The following RGS9BP variants were observed in gnomAD, a reference collection of about 807,000 sequenced individuals.
RGS9BP encodes regulator of G protein signaling 9 binding protein.
In RGS9BP, 1 loss-of-function variant was observed where a neutral mutation model predicts 3.8. That is an observed-to-expected ratio of 0.26 (90% CI 0.09 to 1.24). The LOEUF (loss-of-function observed/expected upper bound fraction) is 1.24. Among genes scored for constraint, RGS9BP ranks in the 50% most tolerant of loss-of-function variants. RGS9BP has a pLI of 0.48. For synonymous variants in RGS9BP, 200 were observed against 177.8 expected (o/e 1.13, Z -1.00); for missense variants, 363 against 344.3 (o/e 1.05, Z -0.43).
In RGS9BP at chr19:32,676,984, G is replaced by A; in HGVS notation, c.*13G>A. ...GAAGCTGAGCTGACGGACACCCGACGGCCGCCTGCTGCTGCCGCTCCCTCC... is the reference window on the plus strand; with the variant it reads ...GAAGCTGAGCTGACGGACACCCGACAGCCGCCTGCTGCTGCCGCTCCCTCC... On this transcript the variant is annotated 3_prime_UTR_variant, in exon 1 of 1. Coordinates refer to ENST00000334176, the MANE Select transcript of RGS9BP (RefSeq NM_207391.3). The A allele has an allele frequency of 1.3e-6, 2 of 1,590,140 alleles. No homozygotes were observed. The highest frequency in any genetic ancestry group is 1.7e-6 in the Non-Finnish European group (2 of 1,169,658).
chr19:32,677,314 C>T lies in RGS9BP; in HGVS notation c.*343C>T, dbSNP rs1316900674. On this transcript the variant is annotated 3_prime_UTR_variant, in exon 1 of 1. Transcript: ENST00000334176. ...TTTACAGGGAGTCCGAGTTCGGTGC[C>T]CACCCCTGCCAGCGTCGCCCCCTTT... 2 of 281,622 alleles carry T rather than the reference C, an allele frequency of 7.1e-6. No individual in the cohort carries two copies. Among genetic ancestry groups the T allele is most frequent in the Non-Finnish European group, 1.4e-5 (2 of 139,252 alleles). 17.4% of individuals were successfully genotyped at this position (281,622 alleles called of 1,614,324 possible). A position where few individuals can be genotyped will look rare whatever the true frequency, so the allele number is the denominator to read the frequency against.
Position 32,676,147 on chromosome 19 carries a change from C to G in RGS9BP, c.-117C>G, listed in dbSNP as rs879850903. The G allele has an allele frequency of 1.5e-6, 1 of 666,416 alleles. No homozygotes were observed. The highest frequency in any genetic ancestry group is 2.4e-6 in the Non-Finnish European group (1 of 410,280). The allele number at this position is 666,416 out of a possible 1,614,324, so 41.3% of individuals were successfully genotyped here. The stretch of plus-strand genomic sequence containing the variant: ...CGGTAGCGCCGAGCGAGTCACGGAC[C>G]ATGAAGAGCGTTCGTGCCGCGCGGC... On this transcript the variant is annotated 5_prime_UTR_variant, in exon 1 of 1. Coordinates refer to ENST00000334176, the MANE Select transcript of RGS9BP (RefSeq NM_207391.3).
In RGS9BP at chr19:32,676,612, G is replaced by A. The variant is rs1307759105; in HGVS notation, c.349G>A (p.Val117Met). The part of the protein sequence containing the change: ...APRRPLVRTG[V>M]AGASSGVAAR... ...GCGGCGGCCGCTGGTGCGCACAGGTGTGGCTGGCGCCTCCTCCGGCGTGGC... is the reference window on the plus strand; with the variant it reads ...GCGGCGGCCGCTGGTGCGCACAGGTATGGCTGGCGCCTCCTCCGGCGTGGC... Residue 117 changes from valine (V) to methionine (M), a missense_variant, in exon 1 of 1, where the codon GTG (valine) becomes ATG (methionine). Coordinates refer to ENST00000334176, the MANE Select transcript of RGS9BP (RefSeq NM_207391.3). 15 of 1,526,546 alleles carry A rather than the reference G, an allele frequency of 9.8e-6. No individual in the cohort carries two copies. The Admixed American group carries it at 1.4e-4, about 14-fold the overall frequency. The allele number at this position is 1,526,546 out of a possible 1,614,324, so 94.6% of individuals were successfully genotyped here.
chr19:32,677,071 C>G lies in RGS9BP; in HGVS notation c.*100C>G. On this transcript the variant is annotated 3_prime_UTR_variant, in exon 1 of 1. Coordinates refer to ENST00000334176, the MANE Select transcript of RGS9BP (RefSeq NM_207391.3). ...CTGTGCAAGGGGAGTGGTCCTAAAA[C>G]CCCGTGTGTGCATGGGTACACGCGC... 3 of 1,038,738 alleles carry G rather than the reference C, an allele frequency of 2.9e-6. No homozygotes were observed. Among genetic ancestry groups the G allele is most frequent in the Non-Finnish European group, 4.4e-6 (3 of 681,392 alleles). The allele number at this position is 1,038,738 out of a possible 1,614,324, so 64.3% of individuals were successfully genotyped here.
rs560291929 is a variant in RGS9BP at position 32,677,018 on chromosome 19, A to G, written c.*47A>G. 8.3e-5 allele frequency: 126 copies of G among 1,511,050 alleles called. No individual in the cohort carries two copies. Among genetic ancestry groups the G allele is most frequent in the East Asian group, 1.8e-4 (8 of 43,290 alleles). The allele number at this position is 1,511,050 out of a possible 1,614,324, so 93.6% of individuals were successfully genotyped here. ...CTGCTGCCGCTCCCTCCCCTGAGAAAAGACTCGGGATGGGTGTGGGGTCTG... is the reference window on the plus strand; with the variant it reads ...CTGCTGCCGCTCCCTCCCCTGAGAAGAGACTCGGGATGGGTGTGGGGTCTG... On this transcript the variant is annotated 3_prime_UTR_variant, in exon 1 of 1. Coordinates refer to ENST00000334176, the MANE Select transcript of RGS9BP (RefSeq NM_207391.3).
Position 32,676,980 on chromosome 19 carries a change from C to A in RGS9BP, c.*9C>A. ...TGGCGAAGCTGAGCTGACGGACACC[C>A]GACGGCCGCCTGCTGCTGCCGCTCC... On this transcript the variant is annotated 3_prime_UTR_variant, in exon 1 of 1. Coordinates refer to ENST00000334176, the MANE Select transcript of RGS9BP (RefSeq NM_207391.3). The A allele has an allele frequency of 6.3e-7, 1 of 1,591,832 alleles. No homozygotes were observed. The highest frequency in any genetic ancestry group is 1.1e-5 in the South Asian group (1 of 88,424).
rs1968024356 is a variant in RGS9BP, at chr19:32,677,092, C to T, written c.*121C>T. The T allele has an allele frequency of 2.3e-6, 2 of 856,030 alleles. No homozygotes were observed. Among genetic ancestry groups the T allele is most frequent in the African/African-American group, 3.3e-5 (2 of 59,774 alleles). 53.0% of individuals were successfully genotyped at this position (856,030 alleles called of 1,614,324 possible). ...AAAACCCCGTGTGTGCATGGGTACA[C>T]GCGCGTTTCCAGTGCACATCTGCCT... is the stretch of plus-strand genomic sequence containing the variant. On this transcript the variant is annotated 3_prime_UTR_variant, in exon 1 of 1. Coordinates refer to ENST00000334176, the MANE Select transcript of RGS9BP (RefSeq NM_207391.3).
Position 32,675,999 on chromosome 19 carries a change from T to G in RGS9BP, c.-265T>G, listed in dbSNP as rs1352724816. On this transcript the variant is annotated 5_prime_UTR_variant, in exon 1 of 1. It removes the in-frame stop codon of an upstream open reading frame in the 5' UTR. Transcript: ENST00000334176. ...CAGGGCGGTGCAGAGACACGACGTG[T>G]GACTCGGAGTGCGCCTGGGGAGGAT... 1 of 465,522 alleles carries G rather than the reference T, an allele frequency of 2.1e-6. No individual in the cohort carries two copies. Among genetic ancestry groups the G allele is most frequent in the Admixed American group, 4.0e-5 (1 of 24,958 alleles). The allele number at this position is 465,522 out of a possible 1,614,324, so 28.8% of individuals were successfully genotyped here. A position where few individuals can be genotyped will look rare whatever the true frequency, so the allele number is the denominator to read the frequency against.
At position 32,676,505 on chromosome 19, in the gene RGS9BP, CCTT is replaced by C; in HGVS notation, c.245_247del (p.Phe82del). On this transcript the variant is annotated inframe_deletion, in exon 1 of 1. Coordinates refer to ENST00000334176, the MANE Select transcript of RGS9BP (RefSeq NM_207391.3). ...GCCGAGTTCGAGCGGCTCTGGGTGGCCTTCTCGGGCTGCCTGGACCTGCTGGAA... is the reference window on the plus strand; with the variant it reads ...GCCGAGTTCGAGCGGCTCTGGGTGGCCTCGGGCTGCCTGGACCTGCTGGAA... 6.5e-7 allele frequency: 1 copy of C among 1,534,780 alleles called. No homozygotes were observed. The highest frequency in any genetic ancestry group is 8.7e-7 in the Non-Finnish European group (1 of 1,147,428).
Position 32,676,710 on chromosome 19 carries a change from G to A in RGS9BP, c.447G>A (p.Glu149=). The change falls in exon 1 of 1, where the codon GAG becomes GAA. Residue 149 remains glutamate, a synonymous_variant. Transcript: ENST00000334176. ...EGDFDVADLR[E]LEREVLQVGE... The stretch of plus-strand genomic sequence containing the variant: ...ACTTCGACGTCGCGGACCTGCGGGA[G>A]CTGGAGCGCGAGGTCCTTCAGGTGG... 3.2e-6 allele frequency: 5 copies of A among 1,542,144 alleles called. No homozygotes were observed. Among genetic ancestry groups the A allele is most frequent in the Non-Finnish European group, 4.3e-6 (5 of 1,150,330 alleles).
At position 32,676,216 on chromosome 19, in the gene RGS9BP, G is replaced by A. The variant is rs765050229; in HGVS notation, c.-48G>A. ...TTAGCCACATCCTGCCGCGCTGAGG[G>A]GGAGGCTAACGGGCGCGGGCGGCCG... is the stretch of plus-strand genomic sequence containing the variant. On this transcript the variant is annotated 5_prime_UTR_variant, in exon 1 of 1. Transcript: ENST00000334176. The A allele has an allele frequency of 1.5e-6, 2 of 1,367,976 alleles. No homozygotes were observed. The highest frequency in any genetic ancestry group is 2.0e-6 in the Non-Finnish European group (2 of 988,968). 84.7% of individuals were successfully genotyped at this position (1,367,976 alleles called of 1,614,324 possible). A position where few individuals can be genotyped will look rare whatever the true frequency, so the allele number is the denominator to read the frequency against.
rs1197286138 is a variant in RGS9BP at position 32,676,398 on chromosome 19, G to C, written c.135G>C (p.Gln45His). ...NLRQELQKTR[Q>H]KAQELAVSTC... ...GGCAGGAGCTGCAAAAGACGCGCCAGAAGGCGCAGGAGCTGGCGGTGTCCA... is the reference window on the plus strand; with the variant it reads ...GGCAGGAGCTGCAAAAGACGCGCCACAAGGCGCAGGAGCTGGCGGTGTCCA... The change falls in exon 1 of 1, where the codon CAG (glutamine) becomes CAC (histidine). Residue 45 changes from glutamine (Q) to histidine (H), a missense_variant. Gln to His is a conservative substitution (Grantham distance 24). Transcript: ENST00000334176. 2.5e-6 allele frequency: 4 copies of C among 1,608,360 alleles called. No individual in the cohort carries two copies. The highest frequency in any genetic ancestry group is 3.4e-6 in the Non-Finnish European group (4 of 1,178,984).
Position 32,676,772 on chromosome 19 carries a change from T to C in RGS9BP, c.509T>C (p.Val170Ala). Reference sequence around the variant, plus strand: ...GACAACATGGAGATGAAGGTCAACGTGCCCCGCTGGACCGTGCAAGCCCGG... The same window carrying C: ...GACAACATGGAGATGAAGGTCAACGCGCCCCGCTGGACCGTGCAAGCCCGG... ...MIDNMEMKVN[V>A]PRWTVQARQA... Residue 170 changes from valine (V) to alanine (A), a missense_variant, in exon 1 of 1, where the codon GTG becomes GCG. Physicochemically the swap from Val to Ala is moderately conservative, Grantham distance 64 (BLOSUM62 0). Coordinates refer to ENST00000334176, the MANE Select transcript of RGS9BP (RefSeq NM_207391.3). 1 of 1,584,510 alleles carries C rather than the reference T, an allele frequency of 6.3e-7. No homozygotes were observed. The highest frequency in any genetic ancestry group is 8.5e-7 in the Non-Finnish European group (1 of 1,173,040).
In RGS9BP at chr19:32,676,444, G is replaced by A. The variant is rs1235340864; in HGVS notation, c.181G>A (p.Val61Met). The A allele has an allele frequency of 1.3e-6, 2 of 1,586,776 alleles. No homozygotes were observed. Among genetic ancestry groups the A allele is most frequent in the Non-Finnish European group, 1.7e-6 (2 of 1,171,888 alleles). The change falls in exon 1 of 1, where the codon GTG (valine) becomes ATG (methionine). Residue 61 changes from valine to methionine, a missense_variant. Physicochemically the swap from Val to Met is conservative, Grantham distance 21 (BLOSUM62 1). Transcript: ENST00000334176. ...AVSTCARLTA[V>M]LRDRGLAADE... ...GTCCACCTGCGCCCGGCTGACTGCT[G>A]TGCTGCGCGACCGGGGCCTGGCCGC...
chr19:32,676,105 G>A lies in RGS9BP; in HGVS notation c.-159G>A. 1 of 567,010 alleles carries A rather than the reference G, an allele frequency of 1.8e-6. No homozygotes were observed. Among genetic ancestry groups the A allele is most frequent in the Non-Finnish European group, 3.0e-6 (1 of 329,122 alleles). The allele number at this position is 567,010 out of a possible 1,614,324, so 35.1% of individuals were successfully genotyped here. On this transcript the variant is annotated 5_prime_UTR_variant, in exon 1 of 1. Coordinates refer to ENST00000334176, the MANE Select transcript of RGS9BP (RefSeq NM_207391.3). ...AGGCGCACGTCGAGGGTCCCGGGCG[G>A]GCTCCGTGGACGTTGGCGGTAGCGC...
rs1968028436 is a variant in RGS9BP at position 32,677,303 on chromosome 19, G to C, written c.*332G>C. The C allele has an allele frequency of 6.5e-6, 2 of 305,870 alleles. No individual in the cohort carries two copies. Among genetic ancestry groups the C allele is most frequent in the Non-Finnish European group, 1.3e-5 (2 of 153,614 alleles). 18.9% of individuals were successfully genotyped at this position (305,870 alleles called of 1,614,324 possible). A position where few individuals can be genotyped will look rare whatever the true frequency, so the allele number is the denominator to read the frequency against. On this transcript the variant is annotated 3_prime_UTR_variant, in exon 1 of 1. Coordinates refer to ENST00000334176, the MANE Select transcript of RGS9BP (RefSeq NM_207391.3). The stretch of plus-strand genomic sequence containing the variant: ...GTTGGGGCGTCTTTACAGGGAGTCC[G>C]AGTTCGGTGCCCACCCCTGCCAGCG...
Position 32,676,150 on chromosome 19 carries a change from GA to G in RGS9BP, c.-112del. 1.5e-6 allele frequency: 1 copy of G among 679,314 alleles called. No homozygotes were observed. Among genetic ancestry groups the G allele is most frequent in the Admixed American group, 3.1e-5 (1 of 32,382 alleles). 42.1% of individuals were successfully genotyped at this position (679,314 alleles called of 1,614,324 possible). ...TAGCGCCGAGCGAGTCACGGACCATGAAGAGCGTTCGTGCCGCGCGGCCCAA... is the reference window on the plus strand; with the variant it reads ...TAGCGCCGAGCGAGTCACGGACCATGAGAGCGTTCGTGCCGCGCGGCCCAA... On this transcript the variant is annotated 5_prime_UTR_variant, in exon 1 of 1. An upstream open reading frame in the 5' UTR loses its in-frame stop. Transcript: ENST00000334176.
rs397941019 is a variant in RGS9BP, at chr19:32,678,277, C to CCCG, written c.*1306_*1307insCCG. On this transcript the variant is annotated 3_prime_UTR_variant, in exon 1 of 1. Transcript: ENST00000334176. Reference sequence around the variant, plus strand: ...GAAGTTGATAGTCTTCCCCCCCCCCCACTTTTTTCTTTTTTGAGACAGGGT... The same window carrying CCCG: ...GAAGTTGATAGTCTTCCCCCCCCCCCCCGACTTTTTTCTTTTTTGAGACAGGGT... 4 of 149,598 alleles carry CCCG rather than the reference C, an allele frequency of 2.7e-5. No homozygotes were observed. The highest frequency in any genetic ancestry group is 1.1e-4 in the African/African-American group (4 of 37,330). The allele number at this position is 149,598 out of a possible 1,614,324, so 9.3% of individuals were successfully genotyped here.
chr19:32,675,909 C>G lies in RGS9BP; in HGVS notation c.-355C>G, dbSNP rs1599785922. 1 of 218,428 alleles carries G rather than the reference C, an allele frequency of 4.6e-6. No individual in the cohort carries two copies. The highest frequency in any genetic ancestry group is 9.0e-6 in the Non-Finnish European group (1 of 110,700). 13.5% of individuals were successfully genotyped at this position (218,428 alleles called of 1,614,324 possible). On this transcript the variant is annotated 5_prime_UTR_variant, in exon 1 of 1. Transcript: ENST00000334176. ...GCGCGGCTCTGCAGCCTGCTTGCCC[C>G]GGAGTTGGCACCCACGGAGGATGGG...
Sources: allele counts gnomAD v4.1 joint callset, GRCh38; gene constraint gnomAD v4.1.1; transcripts MANE v1.5; gene names NCBI Gene and HGNC (gene_info 2026-07-23, HGNC 2026-07-21).